SLC39A9: variants seen among roughly 807,000 people sequenced by gnomAD.
The protein encoded by SLC39A9 is solute carrier family 39 member 9, also known as zinc transporter ZIP9.
In SLC39A9, 14 loss-of-function variants were observed where a neutral mutation model predicts 28.4. The observed-to-expected ratio is 0.49, with a 90% CI of 0.33 to 0.77. SLC39A9 has a LOEUF of 0.77. Among genes scored for constraint, SLC39A9 ranks in the 30% least tolerant of loss-of-function variants. SLC39A9 has a pLI of 0.02. For synonymous variants in SLC39A9, 119 were observed against 149.6 expected (o/e 0.80, Z 1.49); for missense variants, 283 against 381.1 (o/e 0.74, Z 2.14).
At chr14:69,427,826 T>G (rs1884278884) in intron 2 of SLC39A9, among the ~76,000 whole-genome samples, 1 of 152,234 alleles carries the variant, frequency 6.6e-6, no homozygotes, top group East Asian at 1.9e-4. Context: ...ATAACATGTC[T>G]GAACAGGATC....
In SLC39A9 at chr14:69,434,522, CA is replaced by C. The variant is rs35489673; in HGVS notation, c.206-7540del. On this transcript the variant is annotated intron_variant, in intron 2 of 6. Coordinates refer to ENST00000336643, the MANE Select transcript of SLC39A9 (RefSeq NM_018375.5). ...GCTACATATGAAGACCCTGTATTTA[CA>C]AAAAAATTTGAAAAATTAGGTGGGC... 1.5e-3 allele frequency among the ~76,000 whole-genome samples: 226 copies of C among 151,908 alleles called. 2 individuals carry two copies. Among genetic ancestry groups the C allele is most frequent in the Middle Eastern group, 0.01 (3 of 294 alleles).
intron 1 of SLC39A9, 117 bp downstream of exon 1, chr14:69,399,582 G>A: frequency 1.4e-6 from 1 of 718,634 alleles, no homozygotes; most frequent in Non-Finnish European, 2.3e-6. Flanking sequence ...CATTAAGAAA[G>A]ACTATCTTTT....
intron 2 of SLC39A9, among the ~76,000 whole-genome samples, chr14:69,427,265 A>G (rs1298954108): frequency 6.6e-6 from 1 of 152,044 alleles, no homozygotes; most frequent in Non-Finnish European, 1.5e-5. Flanking sequence ...CAGCCTTCCA[A>G]AGTGCTGGGA....
At chr14:69,448,454 G>T (rs1021688272) in intron 3 of SLC39A9, among the ~76,000 whole-genome samples, 1 of 152,124 alleles carries the variant, frequency 6.6e-6, no homozygotes, top group African/African-American at 2.4e-5. Flanking sequence ...ACCTCTAGAT[G>T]TGATACCCGG....
chr14:69,420,193 G>T (rs1883806149), intron 1 of SLC39A9, among the ~76,000 whole-genome samples: 1 of 152,240 alleles, frequency 6.6e-6, no homozygotes, highest in South Asian at 2.1e-4. Context: ...GGCAAGCCTG[G>T]TGGTGACAAA....
chr14:69,461,532 A>C lies in SLC39A9; in HGVS notation c.*2939A>C. 2 of 1,449,188 alleles carry C rather than the reference A, an allele frequency of 1.4e-6. No individual in the cohort carries two copies. Among genetic ancestry groups the C allele is most frequent in the African/African-American group, 1.4e-5 (1 of 70,162 alleles). The allele number at this position is 1,449,188 out of a possible 1,614,324, so 89.8% of individuals were successfully genotyped here. On this transcript the variant is annotated 3_prime_UTR_variant, in exon 7 of 7. Transcript: ENST00000336643. ...TTTCACCTCTTTCTTTCCCAATTCA[A>C]AACAGCCAAGTGAGCCCTGTTCTGG...
At chr14:69,439,153 A>G (rs1376684818) in intron 2 of SLC39A9, among the ~76,000 whole-genome samples, 1 of 152,204 alleles carries the variant, frequency 6.6e-6, no homozygotes, top group East Asian at 1.9e-4. Context: ...GAACTATTTG[A>G]AAAAGAAACT....
At position 69,461,863 on chromosome 14, in the gene SLC39A9, A is replaced by AT; in HGVS notation, c.*3272dup. 1.1e-6 allele frequency: 1 copy of AT among 935,054 alleles called. No homozygotes were observed. Among genetic ancestry groups the AT allele is most frequent in the East Asian group, 2.7e-5 (1 of 37,498 alleles). The allele number at this position is 935,054 out of a possible 1,614,324, so 57.9% of individuals were successfully genotyped here. A position where few individuals can be genotyped will look rare whatever the true frequency, so the allele number is the denominator to read the frequency against. On this transcript the variant is annotated 3_prime_UTR_variant, in exon 7 of 7. Transcript: ENST00000336643. Reference sequence around the variant, plus strand: ...TTGGGAGACTGAGAATCATGACCAGATTCATCCAGAACTGCTGCAGTGTTA... The same window carrying AT: ...TTGGGAGACTGAGAATCATGACCAGATTTCATCCAGAACTGCTGCAGTGTTA...
chr14:69,434,238 C>T (rs1374618842), intron 2 of SLC39A9, among the ~76,000 whole-genome samples: 12 of 151,602 alleles, frequency 7.9e-5, no homozygotes, highest in African/African-American at 1.9e-4. Flanking sequence ...CGCCCACCAC[C>T]GCGTCCTGCT....
intron 1 of SLC39A9, among the ~76,000 whole-genome samples, chr14:69,400,894 C>G (rs1338604856): frequency 6.6e-6 from 1 of 151,654 alleles, no homozygotes. Flanking sequence ...TGGGGCGCGC[C>G]TGTAGTCCTA....
In SLC39A9 at chr14:69,399,120, C is replaced by G. The variant is rs1262487971; in HGVS notation, c.-250C>G. The G allele has an allele frequency of 2.2e-6, 1 of 462,370 alleles. No homozygotes were observed. The highest frequency in any genetic ancestry group is 4.3e-5 in the East Asian group (1 of 23,114). 28.6% of individuals were successfully genotyped at this position (462,370 alleles called of 1,614,324 possible). On this transcript the variant is annotated 5_prime_UTR_variant, in exon 1 of 7. In the 5' UTR this introduces an upstream ATG that the reference lacks. Transcript: ENST00000336643. ...CCCACGAGAATCTAATGACTGGCAT[C>G]TGAGAACCCAGAGCCTGGGACCTTA...
intron 1 of SLC39A9, among the ~76,000 whole-genome samples, chr14:69,421,666 G>A (rs1310147225): frequency 2.6e-5 from 4 of 152,164 alleles, no homozygotes; most frequent in African/African-American, 7.2e-5. Flanking sequence ...TACCCAGTTC[G>A]AGCTTCCCGG....
chr14:69,399,499 G>A (rs1882500761), intron 1 of SLC39A9, 34 bp downstream of exon 1: 1 of 1,577,334 alleles, frequency 6.3e-7, no homozygotes, highest in East Asian at 2.2e-5. Context: ...CAGCTGTCAG[G>A]ATGGCTGTGA....
Position 69,399,246 on chromosome 14 carries a change from A to G in SLC39A9, c.-124A>G. On this transcript the variant is annotated 5_prime_UTR_variant, in exon 1 of 7. Coordinates refer to ENST00000336643, the MANE Select transcript of SLC39A9 (RefSeq NM_018375.5). ...CTCGTGAACACATCTGCTGGTGGGA[A>G]GGCCTAAAGAACTGGAAAGCCCACT... 1.3e-6 allele frequency: 1 copy of G among 764,236 alleles called. No homozygotes were observed. Among genetic ancestry groups the G allele is most frequent in the Middle Eastern group, 2.3e-4 (1 of 4,424 alleles). The allele number at this position is 764,236 out of a possible 1,614,324, so 47.3% of individuals were successfully genotyped here. A position where few individuals can be genotyped will look rare whatever the true frequency, so the allele number is the denominator to read the frequency against.
At chr14:69,435,858 A>G (rs1008556443) in intron 2 of SLC39A9, among the ~76,000 whole-genome samples, 2 of 151,896 alleles carry the variant, frequency 1.3e-5, no homozygotes, top group Non-Finnish European at 2.9e-5. Flanking sequence ...TTTTTAGTAG[A>G]GACAGGATTT....
chr14:69,454,498 A>G (rs1009510764), intron 4 of SLC39A9, among the ~76,000 whole-genome samples: 1 of 152,246 alleles, frequency 6.6e-6, no homozygotes, highest in African/African-American at 2.4e-5. Context: ...TAACTAATCA[A>G]TGGATTTTTG....
intron 2 of SLC39A9, among the ~76,000 whole-genome samples, chr14:69,426,334 G>A (rs1884190434): frequency 6.6e-6 from 1 of 152,162 alleles, no homozygotes; most frequent in Non-Finnish European, 1.5e-5. Flanking sequence ...CAGTCAATTT[G>A]CAAGAGTGGG....
intron 3 of SLC39A9, among the ~76,000 whole-genome samples, chr14:69,443,055 GTT>G (rs1261513693): frequency 6.6e-6 from 1 of 152,094 alleles, no homozygotes; most frequent in African/African-American, 2.4e-5. Context: ...CATAGTAACT[GTT>G]TTGTTTTAAG....
chr14:69,446,004 TAAAC>T (rs1885277299), intron 3 of SLC39A9, among the ~76,000 whole-genome samples: 1 of 150,742 alleles, frequency 6.6e-6, no homozygotes, highest in African/African-American at 2.5e-5. Context: ...GAGAAAACCA[TAAAC>T]AAATACTGAA....
Sources: allele counts gnomAD v4.1 joint callset (sites outside exome capture counted in the v4.1 genomes callset), GRCh38; gene constraint gnomAD v4.1.1; transcripts MANE v1.5; gene names NCBI Gene and HGNC (gene_info 2026-07-23, HGNC 2026-07-21).